OLFM4: variants seen among roughly 807,000 people sequenced by gnomAD.
OLFM4 encodes the protein olfactomedin-4.
Under a neutral mutation model 25.5 loss-of-function variants are expected in OLFM4, and 22 were observed. The observed-to-expected ratio is 0.86, with a 90% confidence interval of 0.62 to 1.23. OLFM4 has a LOEUF of 1.23. Among genes scored for constraint, OLFM4 ranks in the 50% most tolerant of loss-of-function variants. The pLI is 0.00. For missense variants in OLFM4, 594 were observed against 619.4 expected (o/e 0.96, Z 0.44); for synonymous variants, 255 against 237.7 (o/e 1.07, Z -0.67).
chr13:53,037,272 G>C (rs1241170716), intron 2 of OLFM4, among the ~76,000 whole-genome samples: 1 of 152,150 alleles, frequency 6.6e-6, no homozygotes, highest in Non-Finnish European at 1.5e-5. Context: ...ACTATACTTA[G>C]GAAAGGGATG....
chr13:53,032,704 A>G (rs1259759735), intron 1 of OLFM4, among the ~76,000 whole-genome samples: 2 of 148,076 alleles, frequency 1.4e-5, no homozygotes, highest in Non-Finnish European at 3.0e-5. Flanking sequence ...CATAAAAAAT[A>G]TGATTGGATA....
At chr13:53,042,448 T>A (rs1163632837) in intron 3 of OLFM4, among the ~76,000 whole-genome samples, 1 of 152,192 alleles carries the variant, frequency 6.6e-6, no homozygotes, top group Non-Finnish European at 1.5e-5. Context: ...ATATGAGGTG[T>A]CTTCTCTGCT....
At chr13:53,048,964 G>T (rs534147896) in intron 4 of OLFM4, among the ~76,000 whole-genome samples, 2 of 152,178 alleles carry the variant, frequency 1.3e-5, no homozygotes, top group South Asian at 4.1e-4. Context: ...TATTTTTATA[G>T]CTCATAAACT....
At chr13:53,046,445 C>T (rs1278071220) in intron 4 of OLFM4, among the ~76,000 whole-genome samples, 3 of 152,190 alleles carry the variant, frequency 2.0e-5, no homozygotes, top group African/African-American at 7.2e-5. Context: ...TAGAGGGTTC[C>T]TCAAATTATG....
rs540766110 is a variant in OLFM4, at chr13:53,038,210, A to G, written c.358-3700A>G. Among the ~76,000 whole-genome samples, 8 of 152,276 alleles carry G rather than the reference A, an allele frequency of 5.3e-5. No individual in the cohort carries two copies. In the South Asian group the frequency reaches 8.3e-4, roughly 16 times the overall value. ...CAGCGTCCCTGGTCTTTAGATGCCA[A>G]TAGCACTCGCCCACCCCCCAGTTAT... On this transcript the variant is annotated intron_variant, in intron 2 of 4. Transcript: ENST00000219022.
chr13:53,036,228 G>A (rs1257339656), intron 2 of OLFM4, among the ~76,000 whole-genome samples: 6 of 152,208 alleles, frequency 3.9e-5, no homozygotes, highest in African/African-American at 1.4e-4. Flanking sequence ...ATTAATCAGT[G>A]GAAAAGGCAC....
In OLFM4 at chr13:53,050,215, G is replaced by A. The variant is rs1481178062; in HGVS notation, c.977G>A (p.Gly326Asp). The change falls in exon 5 of 5, where the codon GGC becomes GAC. Residue 326 changes from glycine (G) to aspartate (D), a missense_variant. Physicochemically the swap from Gly to Asp is moderately conservative, Grantham distance 94 (BLOSUM62 -1). Coordinates refer to ENST00000219022, the MANE Select transcript of OLFM4 (RefSeq NM_006418.5). ...INARELRITY[G>D]QGSGTAVYNN... Reference sequence around the variant, plus strand: ...GCTCGAGAGTTGCGGATCACCTATGGCCAAGGTAGTGGTACAGCAGTTTAC... The same window carrying A: ...GCTCGAGAGTTGCGGATCACCTATGACCAAGGTAGTGGTACAGCAGTTTAC... The A allele has an allele frequency of 1.1e-5, 18 of 1,613,886 alleles. No individual in the cohort carries two copies. Among genetic ancestry groups the A allele is most frequent in the Admixed American group, 1.7e-5 (1 of 59,982 alleles).
intron 4 of OLFM4, among the ~76,000 whole-genome samples, chr13:53,044,605 A>G (rs576417578): frequency 1.5e-3 from 229 of 152,152 alleles, no homozygotes; most frequent in African/African-American, 5.3e-3. Context: ...GTGTCATCTA[A>G]TGGTTAGAAT....
intron 1 of OLFM4, among the ~76,000 whole-genome samples, chr13:53,033,123 A>G (rs1370776267): frequency 6.6e-6 from 1 of 152,196 alleles, no homozygotes; most frequent in East Asian, 1.9e-4. Context: ...AAAAATGTTA[A>G]TTGTGCTGGG....
chr13:53,034,444 C>G lies in OLFM4; in HGVS notation c.301C>G (p.Arg101Gly). 1 of 1,614,010 alleles carries G rather than the reference C, an allele frequency of 6.2e-7. No individual in the cohort carries two copies. Among genetic ancestry groups the G allele is most frequent in the South Asian group, 1.1e-5 (1 of 91,074 alleles). ...DTTFPVDRVE[R>G]LEFTAHVLSQ... ...CACCTTTCCCGTGGACAGAGTGGAA[C>G]GCTTGGAATTCACAGCTCATGTTCT... Residue 101 changes from arginine to glycine, a missense_variant, in exon 2 of 5, where the codon CGC becomes GGC. Physicochemically the swap from Arg to Gly is moderately radical, Grantham distance 125. Transcript: ENST00000219022.
rs144958114 is a variant in OLFM4 at position 53,044,470 on chromosome 13, A to G, written c.730+1206A>G. 3.1e-3 allele frequency among the ~76,000 whole-genome samples: 474 copies of G among 152,232 alleles called. 1 individual carries two copies. Among genetic ancestry groups the G allele is most frequent in the Middle Eastern group, 0.02 (6 of 294 alleles). ...TAGACTGTGTTTCTGGATTATTGTCATTGTAACTGATTTTTTAAGGCTTCA... is the reference window on the plus strand; with the variant it reads ...TAGACTGTGTTTCTGGATTATTGTCGTTGTAACTGATTTTTTAAGGCTTCA... On this transcript the variant is annotated intron_variant, in intron 4 of 4. Coordinates refer to ENST00000219022, the MANE Select transcript of OLFM4 (RefSeq NM_006418.5).
intron 4 of OLFM4, among the ~76,000 whole-genome samples, chr13:53,045,611 A>C (rs956492990): frequency 2.0e-5 from 3 of 152,136 alleles, no homozygotes; most frequent in African/African-American, 7.2e-5. Context: ...TTTTCACTGC[A>C]GAGTTGCACA....
intron 2 of OLFM4, among the ~76,000 whole-genome samples, chr13:53,036,815 A>G (rs1175423559): frequency 6.6e-6 from 1 of 152,164 alleles, no homozygotes; most frequent in East Asian, 1.9e-4. Flanking sequence ...TGTCTCTCCC[A>G]TTTTAGAGAC....
rs1434329278 is a variant in OLFM4 at position 53,050,455 on chromosome 13, T to A, written c.1217T>A (p.Val406Glu). Residue 406 changes from valine to glutamate, a missense_variant, in exon 5 of 5, where the codon GTG becomes GAG. Val to Glu is a moderately radical substitution (Grantham distance 121, BLOSUM62 -2). Transcript: ENST00000219022. ...ACTGAAGCCAGCACTGGTAACATGG[T>A]GATTAGTAAACTCAATGACACCACA... ...YSTEASTGNM[V>E]ISKLNDTTLQ... The A allele has an allele frequency of 1.2e-6, 2 of 1,614,062 alleles. No homozygotes were observed. Among genetic ancestry groups the A allele is most frequent in the Admixed American group, 3.3e-5 (2 of 59,992 alleles).
At position 53,050,502 on chromosome 13, in the gene OLFM4, T is replaced by A. The variant is rs115720332; in HGVS notation, c.1264T>A (p.Tyr422Asn). ...DTTLQVLNTW[Y>N]TKQYKPSASN... ...CACACTTCAGGTGCTAAACACTTGG[T>A]ATACCAAGCAGTATAAACCATCTGC... Residue 422 changes from tyrosine to asparagine, a missense_variant, in exon 5 of 5, where the codon TAT becomes AAT. By Grantham distance (143) the Tyr-to-Asn change is moderately radical (BLOSUM62 -2). Coordinates refer to ENST00000219022, the MANE Select transcript of OLFM4 (RefSeq NM_006418.5). 473 of 1,614,060 alleles carry A rather than the reference T, an allele frequency of 2.9e-4. 1 individual carries two copies. The African/African-American group carries it at 5.6e-3, about 19-fold the overall frequency.
rs556203868 is a variant in OLFM4 at position 53,033,286 on chromosome 13, GA to G, written c.205-1055del. Among the ~76,000 whole-genome samples the G allele has an allele frequency of 5.2e-4, 79 of 152,088 alleles. 1 individual carries two copies. In the South Asian group the frequency reaches 7.3e-3, roughly 14 times the overall value. On this transcript the variant is annotated intron_variant, in intron 1 of 4. Transcript: ENST00000219022. ...GACTTTTTCTGCAAATGGTAAGCTGGAAAAAAACTTTTATTAAAAAAAATTG... is the reference window on the plus strand; with the variant it reads ...GACTTTTTCTGCAAATGGTAAGCTGGAAAAAACTTTTATTAAAAAAAATTG...
chr13:53,045,657 A>C (rs1954711993), intron 4 of OLFM4, among the ~76,000 whole-genome samples: 1 of 152,202 alleles, frequency 6.6e-6, no homozygotes, highest in African/African-American at 2.4e-5. Flanking sequence ...TCAGCTCTAA[A>C]GTAACTCTGC....
chr13:53,041,460 C>T (rs976125399), intron 2 of OLFM4, among the ~76,000 whole-genome samples: 1 of 151,930 alleles, frequency 6.6e-6, no homozygotes, highest in Non-Finnish European at 1.5e-5. Context: ...ACAACAGAAG[C>T]GTACTTGAGG....
At chr13:53,035,590 C>T (rs1445258728) in intron 2 of OLFM4, among the ~76,000 whole-genome samples, 2 of 152,214 alleles carry the variant, frequency 1.3e-5, no homozygotes, top group African/African-American at 4.8e-5. Flanking sequence ...TACCCTTTAA[C>T]TATCCCCACT....
Sources: allele counts gnomAD v4.1 joint callset (sites outside exome capture counted in the v4.1 genomes callset), GRCh38; gene constraint gnomAD v4.1.1; transcripts MANE v1.5; gene names NCBI Gene and HGNC (gene_info 2026-07-23, HGNC 2026-07-21).